TTC27: variants seen among roughly 807,000 people sequenced by gnomAD.
TTC27 encodes the protein tetratricopeptide repeat domain 27, also known as tetratricopeptide repeat protein 27.
In TTC27, 79 loss-of-function variants were observed where a neutral mutation model predicts 115.9. That is an observed-to-expected ratio of 0.68 (90% CI 0.57 to 0.82). TTC27 has a LOEUF of 0.82. Among genes scored for constraint, TTC27 ranks in the 40% least tolerant of loss-of-function variants. TTC27 has a pLI of 0.00. For synonymous variants in TTC27, 401 were observed against 356.0 expected, an observed-to-expected ratio of 1.13 and a Z score of -1.42; for missense variants, 1,054 against 993.1, an observed-to-expected ratio of 1.06 and a Z score of -0.82.
At chr2:32,753,935 C>A (rs1254999065) in intron 12 of TTC27, among the ~76,000 whole-genome samples, 2 of 151,868 alleles carry the variant, frequency 1.3e-5, no homozygotes, top group Non-Finnish European at 2.9e-5. Flanking sequence ...ATTAGCTGGG[C>A]ATGGTGGTAC....
chr2:32,797,374 T>C (rs1670743725), intron 16 of TTC27, among the ~76,000 whole-genome samples: 1 of 151,868 alleles, frequency 6.6e-6, no homozygotes, highest in South Asian at 2.1e-4. Flanking sequence ...GACAGCGTTT[T>C]GCTATGTTGC....
intron 11 of TTC27, among the ~76,000 whole-genome samples, chr2:32,734,478 A>G (rs1473593516): frequency 1.3e-5 from 2 of 152,242 alleles, no homozygotes; most frequent in East Asian, 1.9e-4. Context: ...TTTATTTGGT[A>G]TACTTTAAGT....
At chr2:32,810,346 G>A (rs933514228) in intron 16 of TTC27, among the ~76,000 whole-genome samples, 2 of 152,138 alleles carry the variant, frequency 1.3e-5, no homozygotes, top group Admixed American at 6.5e-5. Context: ...TTTCAACAAC[G>A]TTGTTTTCAA....
rs759363164 is a variant in TTC27, at chr2:32,702,896, G to C, written c.1209G>C (p.Val403=). Residue 403 remains valine, a synonymous_variant, in exon 10 of 20, where the codon GTG becomes GTC. Transcript: ENST00000317907. ...TTGAGAAAGGAAGTACTCGCCGAGT[G>C]GAACGGGCAATGAGGCAGACACAGG... ...TKLEKGSTRR[V]ERAMRQTQAL... 1.2e-6 allele frequency: 2 copies of C among 1,613,984 alleles called. No individual in the cohort carries two copies. Among genetic ancestry groups the C allele is most frequent in the Non-Finnish European group, 1.7e-6 (2 of 1,179,904 alleles).
chr2:32,785,381 C>T (rs1432010375), intron 15 of TTC27, among the ~76,000 whole-genome samples: 5 of 151,886 alleles, frequency 3.3e-5, no homozygotes, highest in Admixed American at 6.6e-5. Context: ...CTGCTTTTAT[C>T]TTTGGATATA....
chr2:32,685,841 T>G (rs925493557), intron 9 of TTC27, among the ~76,000 whole-genome samples: 1 of 152,172 alleles, frequency 6.6e-6, no homozygotes, highest in Non-Finnish European at 1.5e-5. Flanking sequence ...CTAGTTGAAC[T>G]AGAATCCTAG....
At chr2:32,691,264 T>C (rs1285103729) in intron 9 of TTC27, among the ~76,000 whole-genome samples, 2 of 152,116 alleles carry the variant, frequency 1.3e-5, no homozygotes, top group Admixed American at 1.3e-4. Context: ...TAGTAAGTCC[T>C]TCTTAGGTAC....
chr2:32,792,468 T>C (rs1193667502), intron 16 of TTC27, among the ~76,000 whole-genome samples: 1 of 152,000 alleles, frequency 6.6e-6, no homozygotes, highest in Non-Finnish European at 1.5e-5. Flanking sequence ...CTTTCCACAG[T>C]CTAAGAACTG....
At chr2:32,657,408 C>T (rs927164814) in intron 5 of TTC27, among the ~76,000 whole-genome samples, 6 of 145,646 alleles carry the variant, frequency 4.1e-5, no homozygotes, top group African/African-American at 1.3e-4. Context: ...AGCTGGAGTG[C>T]AGTGGCATGA....
intron 10 of TTC27, among the ~76,000 whole-genome samples, chr2:32,723,544 G>A (rs1242129793): frequency 6.6e-6 from 1 of 152,048 alleles, no homozygotes; most frequent in African/African-American, 2.4e-5. Flanking sequence ...ATGATTTAAC[G>A]GGATGAATGC....
intron 10 of TTC27, among the ~76,000 whole-genome samples, chr2:32,725,282 G>A (rs1473253927): frequency 2.0e-5 from 3 of 152,030 alleles, no homozygotes; most frequent in East Asian, 1.9e-4. Flanking sequence ...TCCACATTCC[G>A]AAGTCTCATC....
rs1669683435 is a variant in TTC27, at chr2:32,767,619, G to A, written c.1680+9100G>A. Among the ~76,000 whole-genome samples, 4 of 150,940 alleles carry A rather than the reference G, an allele frequency of 2.7e-5. No individual in the cohort carries two copies. The South Asian group carries it at 6.3e-4, about 24-fold the overall frequency. Reference sequence around the variant, plus strand: ...TGGGACTACAGGCGCCCGCCACCGCGCCCGGCTAATTTTTTGTATTTTTAG... The same window carrying A: ...TGGGACTACAGGCGCCCGCCACCGCACCCGGCTAATTTTTTGTATTTTTAG... On this transcript the variant is annotated intron_variant, in intron 13 of 19. Transcript: ENST00000317907.
At chr2:32,660,219 G>A (rs1665487172) in intron 5 of TTC27, among the ~76,000 whole-genome samples, 1 of 152,158 alleles carries the variant, frequency 6.6e-6, no homozygotes, top group Non-Finnish European at 1.5e-5. Flanking sequence ...TAACTGGCAT[G>A]AGATGGTATC....
chr2:32,720,178 CTG>C (rs1231129717), intron 10 of TTC27, among the ~76,000 whole-genome samples: 3 of 152,078 alleles, frequency 2.0e-5, no homozygotes, highest in African/African-American at 7.2e-5. Context: ...TTTTTGGACT[CTG>C]TGTTATCATA....
chr2:32,684,463 TTAAG>T (rs1221253832), intron 9 of TTC27, among the ~76,000 whole-genome samples: 1 of 152,094 alleles, frequency 6.6e-6, no homozygotes, highest in Non-Finnish European at 1.5e-5. Context: ...AAAAGTTTGT[TTAAG>T]TGAGTGTGAA....
chr2:32,743,490 C>T (rs1668713462), intron 12 of TTC27, among the ~76,000 whole-genome samples: 1 of 152,158 alleles, frequency 6.6e-6, no homozygotes, highest in Admixed American at 6.5e-5. Context: ...TCCCATATAA[C>T]AACTTGCAGA....
At chr2:32,694,744 C>G (rs976363719) in intron 9 of TTC27, among the ~76,000 whole-genome samples, 79 of 150,692 alleles carry the variant, frequency 5.2e-4, no homozygotes, top group African/African-American at 1.8e-3. Flanking sequence ...ATGAACACAG[C>G]TCACTGCAGC....
In TTC27 at chr2:32,758,278, T is replaced by G. The variant is rs1251977953; in HGVS notation, c.1453-14T>G. 1 of 1,611,082 alleles carries G rather than the reference T, an allele frequency of 6.2e-7. No homozygotes were observed. The highest frequency in any genetic ancestry group is 8.5e-7 in the Non-Finnish European group (1 of 1,178,498). On this transcript the variant is annotated splice_polypyrimidine_tract_variant and intron_variant, in intron 12 of 19. Coordinates refer to ENST00000317907, the MANE Select transcript of TTC27 (RefSeq NM_017735.5). ...ATCACTCTTAAGCAATTTCATTATT[T>G]CTGTTGTTTCTAGGCAGAAGAAATC...
At chr2:32,655,824 G>A (rs545545219) in intron 5 of TTC27, among the ~76,000 whole-genome samples, 1 of 151,708 alleles carries the variant, frequency 6.6e-6, no homozygotes, top group East Asian at 1.9e-4. Context: ...CTTTCATGCA[G>A]TATTTCTGCT....
Sources: allele counts gnomAD v4.1 joint callset (sites outside exome capture counted in the v4.1 genomes callset), GRCh38; gene constraint gnomAD v4.1.1; transcripts MANE v1.5; gene names NCBI Gene and HGNC (gene_info 2026-07-23, HGNC 2026-07-21).